Variants in NRG1 observed in about 807,000 individuals in gnomAD.
NRG1 encodes the protein pro-neuregulin-1, membrane-bound isoform.
In NRG1, 18 loss-of-function variants were observed where a neutral mutation model predicts 63.8. The ratio of observed to expected loss-of-function variants is 0.28; its 90% CI spans 0.19 to 0.42. The LOEUF (loss-of-function observed/expected upper bound fraction) is 0.42, where lower values mean the gene tolerates loss of function less well. NRG1 is among the 10% of genes least tolerant of loss of function. The probability of loss-of-function intolerance (pLI) is 1.00; values close to 1 mark genes in which losing one functional copy is unlikely to be tolerated. For missense variants in NRG1, 762 were observed against 814.7 expected, an observed-to-expected ratio of 0.94 and a Z score of 0.79; for synonymous variants, 302 against 301.3, an observed-to-expected ratio of 1.00 and a Z score of -0.02.
At chr8:32,528,613 C>T (rs1831130216) in intron 1 of NRG1, among the ~76,000 whole-genome samples, 1 of 152,038 alleles carries the variant, frequency 6.6e-6, no homozygotes, top group South Asian at 2.1e-4. Flanking sequence ...CTCTTCTTCC[C>T]ACATTGTTTG....
intron 1 of NRG1, among the ~76,000 whole-genome samples, chr8:32,209,726 CTT>C (rs1844471776): frequency 9.0e-6 from 1 of 111,114 alleles, no homozygotes; most frequent in African/African-American, 4.1e-5. Context: ...TCCTTCCTTC[CTT>C]CCTTCCTTCC....
At chr8:31,800,475 A>T (rs1367772050) in intron 1 of NRG1, among the ~76,000 whole-genome samples, 1 of 152,202 alleles carries the variant, frequency 6.6e-6, no homozygotes, top group African/African-American at 2.4e-5. Flanking sequence ...TTTCTACCGC[A>T]TTTATCTCAG....
chr8:32,151,717 A>G (rs1837521099), intron 1 of NRG1, among the ~76,000 whole-genome samples: 2 of 152,322 alleles, frequency 1.3e-5, no homozygotes, highest in Admixed American at 1.3e-4. Flanking sequence ...AACAGAGAGG[A>G]GGAGCTGGAA....
intron 1 of NRG1, among the ~76,000 whole-genome samples, chr8:31,834,376 A>C (rs1825503031): frequency 6.6e-6 from 1 of 152,196 alleles, no homozygotes; most frequent in African/African-American, 2.4e-5. Context: ...CGAAAGCATA[A>C]AATCAGCCCT....
intron 1 of NRG1, among the ~76,000 whole-genome samples, chr8:32,046,801 A>G (rs1395520218): frequency 6.6e-6 from 1 of 152,064 alleles, no homozygotes; most frequent in Admixed American, 6.6e-5. Flanking sequence ...AGGAGATAGC[A>G]TGGGAGGTTT....
At chr8:32,538,913 ACACATATTC>A (rs1441390531) in intron 1 of NRG1, among the ~76,000 whole-genome samples, 1 of 152,248 alleles carries the variant, frequency 6.6e-6, no homozygotes, top group Non-Finnish European at 1.5e-5. Context: ...GAGAAGGAAT[ACACATATTC>A]CACAGTCACT....
intron 1 of NRG1, among the ~76,000 whole-genome samples, chr8:31,927,898 G>A (rs1217565015): frequency 2.7e-5 from 4 of 149,024 alleles, no homozygotes; most frequent in African/African-American, 9.8e-5. Flanking sequence ...TTAAGTTTTA[G>A]GGTACCTGTG....
intron 1 of NRG1, among the ~76,000 whole-genome samples, chr8:32,523,944 CT>C (rs999835240): frequency 1.3e-5 from 2 of 151,964 alleles, no homozygotes; most frequent in Non-Finnish European, 2.9e-5. Context: ...CTGTTGCCTC[CT>C]TTTTTTAAAT....
In NRG1 at chr8:32,347,850, T is replaced by A. The variant is rs2129479237; in HGVS notation, c.38-247978T>A. Among the ~76,000 whole-genome samples, 4 of 152,310 alleles carry A rather than the reference T, an allele frequency of 2.6e-5. No homozygotes were observed. The South Asian group carries it at 8.3e-4, about 32-fold the overall frequency. ...GAAATGGTCGTGACTACAAACTTGT[T>A]TTTAAAATGTCACTTTCTCTAAGAG... On this transcript the variant is annotated intron_variant, in intron 1 of 10. Transcript: ENST00000519301.
At chr8:32,668,380 T>C (rs1166382068) in intron 5 of NRG1, among the ~76,000 whole-genome samples, 1 of 152,162 alleles carries the variant, frequency 6.6e-6, no homozygotes, top group Non-Finnish European at 1.5e-5. Context: ...AGTAACCTAG[T>C]TTCTATCACT....
intron 1 of NRG1, among the ~76,000 whole-genome samples, chr8:32,269,856 GAAC>G (rs533731209): frequency 1.3e-3 from 192 of 152,200 alleles, no homozygotes; most frequent in Middle Eastern, 3.4e-3. Context: ...TGAAGTTTTT[GAAC>G]AACAACGATA....
At chr8:32,139,243 A>C (rs1360466039) in intron 1 of NRG1, 1 of 152,198 alleles carries the variant, frequency 6.6e-6, no homozygotes, top group Non-Finnish European at 1.5e-5. Flanking sequence ...TTCAAGATCA[A>C]GTGCAACTGT....
At chr8:32,272,326 A>G (rs1160424710) in intron 1 of NRG1, among the ~76,000 whole-genome samples, 2 of 152,106 alleles carry the variant, frequency 1.3e-5, no homozygotes, top group Non-Finnish European at 2.9e-5. Context: ...AGGATGCTAT[A>G]TTCCATCATG....
At position 32,725,464 on chromosome 8, in the gene NRG1, A is replaced by ATTTTTTTTTTTTTTTTTTT. The variant is rs71209904; in HGVS notation, c.503-2474_503-2456dup. On this transcript the variant is annotated intron_variant, in intron 5 of 11. Transcript: ENST00000356819. The stretch of plus-strand genomic sequence containing the variant: ...TTTAACATTCGAGGCAAACTTCCTA[A>ATTTTTTTTTTTTTTTTTTT]TTTTTTTTTTTTTTTTTTTTTTTTT... Among the ~76,000 whole-genome samples the ATTTTTTTTTTTTTTTTTTT allele has an allele frequency of 1.6e-4, 11 of 67,582 alleles. 2 individuals carry two copies. The highest frequency in any genetic ancestry group is 1.3e-3 in the East Asian group (2 of 1,574). 44.3% of individuals were successfully genotyped at this position (67,582 alleles called of 152,430 possible).
chr8:31,751,289 G>A (rs1279104312), intron 1 of NRG1, among the ~76,000 whole-genome samples: 1 of 151,998 alleles, frequency 6.6e-6, no homozygotes, highest in Non-Finnish European at 1.5e-5. Context: ...CTAGGTCAGA[G>A]GGTAGGGGAG....
At chr8:32,200,671 G>T (rs755107753) in intron 1 of NRG1, among the ~76,000 whole-genome samples, 4 of 152,204 alleles carry the variant, frequency 2.6e-5, no homozygotes, top group Non-Finnish European at 5.9e-5. Flanking sequence ...ATAGAAAGCT[G>T]TCTTTTCTAT....
intron 1 of NRG1, among the ~76,000 whole-genome samples, chr8:32,116,971 CAAAAAAA>C (rs756283492): frequency 7.9e-4 from 25 of 31,548 alleles, no homozygotes; most frequent in Admixed American, 5.4e-3. Context: ...CCTGTCTCTA[CAAAAAAA>C]AAAAAAAAAA....
chr8:31,766,113 A>C (rs1365309571), intron 1 of NRG1, among the ~76,000 whole-genome samples: 1 of 152,164 alleles, frequency 6.6e-6, no homozygotes, highest in Non-Finnish European at 1.5e-5. Context: ...AGGAACAGGC[A>C]AGAGACAAGT....
At chr8:31,946,207 G>A (rs1202603415) in intron 1 of NRG1, among the ~76,000 whole-genome samples, 1 of 152,034 alleles carries the variant, frequency 6.6e-6, no homozygotes, top group Non-Finnish European at 1.5e-5. Context: ...CAGTTTTATT[G>A]ACAGTTTTCA....
Sources: allele counts gnomAD v4.1 joint callset (sites outside exome capture counted in the v4.1 genomes callset), GRCh38; gene constraint gnomAD v4.1.1; transcripts MANE v1.5; gene names NCBI Gene and HGNC (gene_info 2026-07-23, HGNC 2026-07-21).